Variants in CDH13 observed in about 807,000 individuals in gnomAD.
CDH13 encodes the protein cadherin 13, also known as cadherin-13.
Under a neutral mutation model 63.8 loss-of-function variants are expected in CDH13, and 24 were observed. That is an observed-to-expected ratio of 0.38 (90% confidence interval 0.27 to 0.53). The LOEUF is 0.53. CDH13 is among the 20% of genes least tolerant of loss of function. CDH13 has a pLI of 0.85. For missense variants in CDH13, 1,049 were observed against 903.1 expected (o/e 1.16, Z -2.07); for synonymous variants, 503 against 355.3 (o/e 1.42, Z -4.67).
rs533207227 is a variant in CDH13 at position 83,222,032 on chromosome 16, G to C, written c.636+4535G>C. On this transcript the variant is annotated intron_variant, in intron 5 of 13. Transcript: ENST00000567109. ...AACATGTCTTGAACATTTACAGTGT[G>C]CCAAGGCTCCATGCCAAATACTCAG... Among the ~76,000 whole-genome samples the C allele has an allele frequency of 5.9e-5, 9 of 152,242 alleles. No homozygotes were observed. In the East Asian group the frequency reaches 1.7e-3, roughly 29 times the overall value.
chr16:83,751,752 G>C (rs1025622579), intron 11 of CDH13, among the ~76,000 whole-genome samples: 1 of 152,214 alleles, frequency 6.6e-6, no homozygotes, highest in Non-Finnish European at 1.5e-5. Context: ...TTTGTCAAGA[G>C]CTTATACTGA....
chr16:83,718,099 G>A (rs1909188559), intron 10 of CDH13, among the ~76,000 whole-genome samples: 1 of 152,338 alleles, frequency 6.6e-6, no homozygotes, highest in Non-Finnish European at 1.5e-5. Flanking sequence ...GGGTTAGGGT[G>A]AAAATAGTTT....
At chr16:82,925,134 C>T (rs1429355749) in intron 2 of CDH13, among the ~76,000 whole-genome samples, 1 of 152,078 alleles carries the variant, frequency 6.6e-6, no homozygotes, top group Non-Finnish European at 1.5e-5. Context: ...AGGGGAAGGG[C>T]AGAGCCAACC....
chr16:82,844,651 T>A (rs1327330937), intron 1 of CDH13: 1 of 145,708 alleles, frequency 6.9e-6, no homozygotes, highest in Non-Finnish European at 1.5e-5. Flanking sequence ...TTTTTTTTTT[T>A]TTTTTTGAGA....
At chr16:82,714,496 CT>C (rs1486461492) in intron 1 of CDH13, among the ~76,000 whole-genome samples, 2 of 151,796 alleles carry the variant, frequency 1.3e-5, no homozygotes, top group Non-Finnish European at 2.9e-5. Context: ...GGCAGATCAC[CT>C]GAGGTTAGGA....
At chr16:82,887,624 G>A (rs755054412) in intron 2 of CDH13, among the ~76,000 whole-genome samples, 8 of 152,128 alleles carry the variant, frequency 5.3e-5, no homozygotes, top group African/African-American at 1.7e-4. Context: ...AGTTCGAGAC[G>A]AGTCTGGCCA....
chr16:82,841,551 C>G (rs754607204), intron 1 of CDH13, among the ~76,000 whole-genome samples: 3 of 152,164 alleles, frequency 2.0e-5, no homozygotes, highest in Non-Finnish European at 4.4e-5. Flanking sequence ...AAATAACACA[C>G]AGCCATGGTT....
At position 83,171,651 on chromosome 16, in the gene CDH13, G is replaced by A. The variant is rs1008343204; in HGVS notation, c.484-45694G>A. Reference sequence around the variant, plus strand: ...TCTCCAATTTCCTATATGCCATCAGGGGATTTAGTGACACTGCAAATAGCA... The same window carrying A: ...TCTCCAATTTCCTATATGCCATCAGAGGATTTAGTGACACTGCAAATAGCA... On this transcript the variant is annotated intron_variant, in intron 4 of 13. Coordinates refer to ENST00000567109, the MANE Select transcript of CDH13 (RefSeq NM_001257.5). 1.1e-5 allele frequency: 12 copies of A among 1,129,774 alleles called. No homozygotes were observed. The Middle Eastern group carries it at 5.8e-4, about 54-fold the overall frequency. The allele number at this position is 1,129,774 out of a possible 1,614,324, so 70.0% of individuals were successfully genotyped here.
intron 2 of CDH13, among the ~76,000 whole-genome samples, chr16:82,920,881 C>T (rs2042133411): frequency 6.6e-6 from 1 of 152,228 alleles, no homozygotes; most frequent in Non-Finnish European, 1.5e-5. Flanking sequence ...TTCAGATGTG[C>T]TCTTTATCAT....
chr16:83,568,184 AC>A (rs763786800), intron 7 of CDH13, among the ~76,000 whole-genome samples: 23 of 150,850 alleles, frequency 1.5e-4, no homozygotes, highest in Non-Finnish European at 3.3e-4. Flanking sequence ...TCACCCCAAA[AC>A]AAAAGGAAAA....
chr16:83,691,677 C>G (rs532656782), intron 10 of CDH13, among the ~76,000 whole-genome samples: 1 of 152,194 alleles, frequency 6.6e-6, no homozygotes, highest in South Asian at 2.1e-4. Flanking sequence ...ATCAGCATAT[C>G]CTGAGTCTAT....
chr16:83,022,831 G>C (rs990160907), intron 2 of CDH13, among the ~76,000 whole-genome samples: 3 of 152,206 alleles, frequency 2.0e-5, no homozygotes, highest in Non-Finnish European at 2.9e-5. Flanking sequence ...TAAGATGTGA[G>C]TGTATAAATC....
chr16:82,666,235 T>G (rs1912568654), intron 1 of CDH13, among the ~76,000 whole-genome samples: 2 of 152,204 alleles, frequency 1.3e-5, no homozygotes, highest in Admixed American at 6.5e-5. Context: ...GCTCCTGCAA[T>G]CAACCAGAAA....
chr16:83,077,394 T>G (rs79618707), intron 3 of CDH13, among the ~76,000 whole-genome samples: 2 of 151,766 alleles, frequency 1.3e-5, no homozygotes, highest in African/African-American at 2.4e-5. Context: ...GGTTTTGCCA[T>G]GTTGGCCAGG....
chr16:82,809,008 T>G (rs887579977), intron 1 of CDH13, among the ~76,000 whole-genome samples: 1 of 152,182 alleles, frequency 6.6e-6, no homozygotes, highest in Non-Finnish European at 1.5e-5. Flanking sequence ...TGGGTATATA[T>G]ACACGTTATA....
chr16:82,927,617 C>G (rs2042344649), intron 2 of CDH13, among the ~76,000 whole-genome samples: 1 of 152,172 alleles, frequency 6.6e-6, no homozygotes. Flanking sequence ...AGAAACTGTT[C>G]CTCAAGAACT....
chr16:83,158,976 C>G (rs906783124), intron 4 of CDH13, among the ~76,000 whole-genome samples: 8 of 152,204 alleles, frequency 5.3e-5, no homozygotes, highest in South Asian at 4.1e-4. Context: ...ATTCACAAAT[C>G]TGAATTTCAT....
intron 5 of CDH13, among the ~76,000 whole-genome samples, chr16:83,226,482 C>G (rs1364348089): frequency 3.9e-5 from 6 of 152,218 alleles, no homozygotes; most frequent in African/African-American, 1.4e-4. Context: ...CACCCCCACA[C>G]TGGTCTTTGC....
intron 5 of CDH13, among the ~76,000 whole-genome samples, chr16:83,297,118 C>G (rs1297219844): frequency 6.6e-6 from 1 of 152,020 alleles, no homozygotes; most frequent in African/African-American, 2.4e-5. Context: ...TCAACAGGTA[C>G]AAAGCTACAG....
Sources: gnomAD v4.1 joint callset for allele counts (sites outside exome capture counted in the v4.1 genomes callset) on GRCh38, gnomAD v4.1.1 for gene constraint, MANE v1.5 for transcripts, NCBI Gene and HGNC (gene_info 2026-07-23, HGNC 2026-07-21) for gene names.